Variants in BAALC observed in about 807,000 individuals in gnomAD.
BAALC encodes the protein BAALC binder of MAP3K1 and KLF4.
BAALC carries 9 observed loss-of-function variants against 15.5 expected under a neutral mutation model. The ratio of observed to expected loss-of-function variants is 0.58; its 90% confidence interval spans 0.35 to 1.02. The LOEUF (loss-of-function observed/expected upper bound fraction) is 1.02, where lower values mean the gene tolerates loss of function less well. BAALC is among the 50% of genes least tolerant of loss of function. The probability of loss-of-function intolerance (pLI) is 0.02; values close to 1 mark genes in which losing one functional copy is unlikely to be tolerated. For missense variants in BAALC, 201 were observed against 192.4 expected, an observed-to-expected ratio of 1.04 and a Z score of -0.27; for synonymous variants, 80 against 74.6, an observed-to-expected ratio of 1.07 and a Z score of -0.37.
At chr8:103,195,431 A>G (rs1812070863) in intron 1 of BAALC, among the ~76,000 whole-genome samples, 1 of 152,204 alleles carries the variant, frequency 6.6e-6, no homozygotes, top group South Asian at 2.1e-4. Flanking sequence ...GCAATCGCTC[A>G]TAACTTCATG....
chr8:103,224,115 C>CTGTGTGTG (rs4002031), intron 2 of BAALC, among the ~76,000 whole-genome samples: 1 of 150,830 alleles, frequency 6.6e-6, no homozygotes, highest in Non-Finnish European at 1.5e-5. Flanking sequence ...CTGCGTGCGT[C>CTGTGTGTG]TGTGTGTGTG....
At chr8:103,173,543 G>A (rs1811544279) in intron 1 of BAALC, among the ~76,000 whole-genome samples, 1 of 152,166 alleles carries the variant, frequency 6.6e-6, no homozygotes, top group South Asian at 2.1e-4. Flanking sequence ...CCATGAAACA[G>A]AAGAATGATA....
rs375752366 is a variant in BAALC at position 103,225,730 on chromosome 8, CTT to C, written c.328-2257_328-2256del. Among the ~76,000 whole-genome samples, 341 of 152,128 alleles carry C rather than the reference CTT, an allele frequency of 2.2e-3. 1 individual carries two copies. Among genetic ancestry groups the C allele is most frequent in the African/African-American group, 7.9e-3 (327 of 41,510 alleles). The stretch of plus-strand genomic sequence containing the variant: ...ATGGGCCTATCCAGGATATGGGCCT[CTT>C]TGGCATTCCTGGAGGAGGTGGCTCC... On this transcript the variant is annotated intron_variant, in intron 2 of 2. Transcript: ENST00000309982.
chr8:103,212,850 A>G, intron 1 of BAALC, 69 bp from the exon 2 acceptor site: 1 of 1,493,810 alleles, frequency 6.7e-7, no homozygotes, highest in Non-Finnish European at 9.0e-7. Flanking sequence ...TTTCTCCACC[A>G]TTTTGGGATT....
chr8:103,194,340 A>G (rs995515324), intron 1 of BAALC, among the ~76,000 whole-genome samples: 3 of 152,216 alleles, frequency 2.0e-5, no homozygotes, highest in African/African-American at 7.2e-5. Flanking sequence ...GAAAGTAGAG[A>G]GACATTGCAA....
chr8:103,142,625 A>G (rs1044625893), intron 1 of BAALC, among the ~76,000 whole-genome samples: 1 of 152,222 alleles, frequency 6.6e-6, no homozygotes, highest in Non-Finnish European at 1.5e-5. Context: ...ATAATAAAAA[A>G]CAACCAAAAC....
intron 1 of BAALC, among the ~76,000 whole-genome samples, chr8:103,164,478 G>A (rs748861006): frequency 2.5e-4 from 38 of 152,182 alleles, no homozygotes; most frequent in Admixed American, 7.9e-4. Context: ...GAGTCTTTCT[G>A]GAGGATGGAT....
chr8:103,168,362 C>T (rs1811395219), intron 1 of BAALC, among the ~76,000 whole-genome samples: 1 of 152,170 alleles, frequency 6.6e-6, no homozygotes, highest in Admixed American at 6.5e-5. Context: ...ACCTCCATCC[C>T]ACCACTGCCA....
intron 1 of BAALC, among the ~76,000 whole-genome samples, chr8:103,155,015 G>A (rs1213055470): frequency 4.0e-5 from 6 of 151,664 alleles, no homozygotes; most frequent in African/African-American, 9.7e-5. Flanking sequence ...ATATTGCAAA[G>A]CTTGTTTCAT....
At chr8:103,147,837 G>A (rs1340776478) in intron 1 of BAALC, among the ~76,000 whole-genome samples, 1 of 152,120 alleles carries the variant, frequency 6.6e-6, no homozygotes, top group Non-Finnish European at 1.5e-5. Flanking sequence ...CAGTCTATAT[G>A]CCACATTTAC....
intron 1 of BAALC, among the ~76,000 whole-genome samples, chr8:103,152,862 C>T (rs77852266): frequency 0.011 from 1,667 of 152,238 alleles, 48 homozygotes; most frequent in East Asian, 0.081. Context: ...CTCATGGCTG[C>T]GAGATGCTGC....
Position 103,192,425 on chromosome 8 carries a change from T to G in BAALC, c.161-20494T>G, listed in dbSNP as rs1368555979. ...CATAATCCTGTTCATCCTGACTGTG[T>G]CCTTTCTAAATTGTTACTGAAATCC... On this transcript the variant is annotated intron_variant, in intron 1 of 2. Transcript: ENST00000309982. 1.3e-5 allele frequency among the ~76,000 whole-genome samples: 2 copies of G among 152,236 alleles called. 1 individual carries two copies. Among genetic ancestry groups the G allele is most frequent in the African/African-American group, 4.8e-5 (2 of 41,458 alleles).
At chr8:103,186,945 A>G (rs1811851760) in intron 1 of BAALC, among the ~76,000 whole-genome samples, 1 of 152,114 alleles carries the variant, frequency 6.6e-6, no homozygotes, top group African/African-American at 2.4e-5. Flanking sequence ...GAGCTATTTC[A>G]CTGTTTCATG....
At chr8:103,148,744 G>T (rs114885904) in intron 1 of BAALC, among the ~76,000 whole-genome samples, 2,357 of 152,240 alleles carry the variant, frequency 0.015, 57 homozygotes, top group African/African-American at 0.051. Context: ...CATGCGGTTT[G>T]TGGCACTTTG....
intron 1 of BAALC, chr8:103,141,430 C>A: frequency 4.7e-6 from 1 of 211,196 alleles, no homozygotes; most frequent in East Asian, 1.0e-4. Flanking sequence ...CGCTTTGGCC[C>A]ATCTGCCATC....
chr8:103,228,335 A>T lies in BAALC; in HGVS notation c.*236A>T, dbSNP rs927951904. ...TGCTTACATATGTTAATAAACTGCA[A>T]ATGTGCAGTTCAGTTTGTCTCTTTG... On this transcript the variant is annotated 3_prime_UTR_variant, in exon 3 of 3. Coordinates refer to ENST00000309982, the MANE Select transcript of BAALC (RefSeq NM_024812.3). The T allele has an allele frequency of 6.9e-6, 3 of 431,664 alleles. No homozygotes were observed. The Admixed American group carries it at 1.2e-4, about 17-fold the overall frequency. The allele number at this position is 431,664 out of a possible 1,614,324, so 26.7% of individuals were successfully genotyped here. A position where few individuals can be genotyped will look rare whatever the true frequency, so the allele number is the denominator to read the frequency against.
chr8:103,148,650 T>C (rs974799377), intron 1 of BAALC, among the ~76,000 whole-genome samples: 1 of 152,172 alleles, frequency 6.6e-6, no homozygotes, highest in African/African-American at 2.4e-5. Context: ...TGTTTGTTTG[T>C]TTTTTGTAAC....
At chr8:103,171,450 TAAG>T (rs1312646633) in intron 1 of BAALC, among the ~76,000 whole-genome samples, 1 of 149,490 alleles carries the variant, frequency 6.7e-6, no homozygotes, top group African/African-American at 2.5e-5. Context: ...AGAAAGAAAG[TAAG>T]AAAGAAAGAA....
chr8:103,141,546 G>T (rs1810778383), intron 1 of BAALC: 2 of 154,646 alleles, frequency 1.3e-5, no homozygotes, highest in Admixed American at 1.3e-4. Context: ...GATCGCCTGG[G>T]TGGAGTCTTT....
Sources: gnomAD v4.1 joint callset for allele counts (sites outside exome capture counted in the v4.1 genomes callset) on GRCh38, gnomAD v4.1.1 for gene constraint, MANE v1.5 for transcripts, NCBI Gene and HGNC (gene_info 2026-07-23, HGNC 2026-07-21) for gene names.